The following PTPRD variants were observed in gnomAD, a reference collection of about 807,000 sequenced individuals.
PTPRD encodes the protein protein tyrosine phosphatase receptor type D, also known as receptor-type tyrosine-protein phosphatase delta.
In PTPRD, 34 loss-of-function variants were observed where a neutral mutation model predicts 214.5. The ratio of observed to expected loss-of-function variants is 0.16; its 90% confidence interval spans 0.12 to 0.21. The LOEUF (loss-of-function observed/expected upper bound fraction) is 0.21. Ranked by LOEUF, PTPRD falls within the 10% of genes least tolerant of loss-of-function variation. PTPRD has a pLI of 1.00. For missense variants in PTPRD, 2,545 were observed against 2,398.7 expected (o/e 1.06, Z -1.27); for synonymous variants, 1,128 against 845.7 (o/e 1.33, Z -5.79).
intron 4 of PTPRD, among the ~76,000 whole-genome samples, chr9:9,994,072 C>G (rs896249220): frequency 6.6e-6 from 1 of 152,074 alleles, no homozygotes; most frequent in Non-Finnish European, 1.5e-5. Flanking sequence ...AACTGAGATA[C>G]AGAAAGATTA....
chr9:9,171,785 G>A (rs948454498), intron 10 of PTPRD, among the ~76,000 whole-genome samples: 1 of 151,796 alleles, frequency 6.6e-6, no homozygotes, highest in Non-Finnish European at 1.5e-5. Context: ...ACAGCCTCTT[G>A]GCATGGATTC....
At chr9:8,349,440 T>C (rs936978885) in intron 39 of PTPRD, among the ~76,000 whole-genome samples, 2 of 152,178 alleles carry the variant, frequency 1.3e-5, no homozygotes, top group Non-Finnish European at 2.9e-5. Context: ...AAATGAAGGA[T>C]TGTACTTCTA....
At chr9:9,159,926 C>T (rs944681363) in intron 10 of PTPRD, among the ~76,000 whole-genome samples, 1 of 152,092 alleles carries the variant, frequency 6.6e-6, no homozygotes, top group Non-Finnish European at 1.5e-5. Flanking sequence ...TGATTTTTGA[C>T]AAAGGTGCCA....
At chr9:9,242,265 G>T (rs1232803509) in intron 9 of PTPRD, among the ~76,000 whole-genome samples, 2 of 152,038 alleles carry the variant, frequency 1.3e-5, no homozygotes, top group South Asian at 4.2e-4. Flanking sequence ...TTTCTCTCTG[G>T]CTGCCCTTAA....
chr9:8,475,294 A>C (rs1348950507), intron 30 of PTPRD, among the ~76,000 whole-genome samples: 1 of 151,714 alleles, frequency 6.6e-6, no homozygotes, highest in Non-Finnish European at 1.5e-5. Context: ...AGATGTTAAC[A>C]CTCTCCATGA....
intron 7 of PTPRD, among the ~76,000 whole-genome samples, chr9:9,729,775 G>T (rs1002368886): frequency 5.9e-5 from 9 of 151,768 alleles, no homozygotes; most frequent in Non-Finnish European, 1.3e-4. Flanking sequence ...GTGAGAGAAC[G>T]AACATATTAG....
chr9:10,559,858 G>C (rs1280719450), intron 2 of PTPRD, among the ~76,000 whole-genome samples: 1 of 152,064 alleles, frequency 6.6e-6, no homozygotes, highest in East Asian at 1.9e-4. Context: ...ACCACAATGA[G>C]ATATCATCTC....
At chr9:9,339,451 A>C (rs936837326) in intron 9 of PTPRD, among the ~76,000 whole-genome samples, 4 of 152,110 alleles carry the variant, frequency 2.6e-5, no homozygotes, top group African/African-American at 9.7e-5. Flanking sequence ...TCGCCACTGC[A>C]CTCCAGACTT....
chr9:9,820,401 T>C (rs2761758), intron 5 of PTPRD, among the ~76,000 whole-genome samples: 71,562 of 151,952 alleles, frequency 0.47, 17,772 homozygotes, highest in East Asian at 0.89. Flanking sequence ...GTTGGATGCA[T>C]GGGTTGTAAA....
chr9:9,558,649 A>T (rs1423099569), intron 8 of PTPRD, among the ~76,000 whole-genome samples: 3 of 152,186 alleles, frequency 2.0e-5, no homozygotes, highest in African/African-American at 4.8e-5. Context: ...AGATTACCAC[A>T]GATGTCACCT....
At chr9:9,845,519 T>C (rs533665067) in intron 5 of PTPRD, among the ~76,000 whole-genome samples, 1 of 151,856 alleles carries the variant, frequency 6.6e-6, no homozygotes, top group African/African-American at 2.4e-5. Context: ...CATCAATTCA[T>C]GTTAAATTTG....
chr9:9,593,295 T>G (rs2092948366), intron 7 of PTPRD, among the ~76,000 whole-genome samples: 1 of 150,520 alleles, frequency 6.6e-6, no homozygotes, highest in African/African-American at 2.5e-5. Flanking sequence ...TATGGAAACT[T>G]AACTTTTTTT....
At chr9:10,144,605 T>C (rs952876352) in intron 3 of PTPRD, among the ~76,000 whole-genome samples, 8 of 152,126 alleles carry the variant, frequency 5.3e-5, no homozygotes, top group African/African-American at 1.9e-4. Context: ...GCATCATCTA[T>C]TTCATTTCTA....
chr9:10,129,830 A>C (rs1468418812), intron 3 of PTPRD, among the ~76,000 whole-genome samples: 1 of 152,064 alleles, frequency 6.6e-6, no homozygotes, highest in Non-Finnish European at 1.5e-5. Context: ...AATAATCAAT[A>C]ATTATTATCT....
chr9:10,118,277 A>T (rs1261135774), intron 3 of PTPRD, among the ~76,000 whole-genome samples: 2 of 151,626 alleles, frequency 1.3e-5, no homozygotes, highest in Non-Finnish European at 2.9e-5. Flanking sequence ...AACATTTATT[A>T]TCTATATATC....
Position 9,906,919 on chromosome 9 carries a change from G to C in PTPRD, c.-368+31588C>G, listed in dbSNP as rs184692471. Among the ~76,000 whole-genome samples the C allele has an allele frequency of 3.7e-3, 565 of 151,962 alleles. 6 individuals are homozygous for C. The highest frequency in any genetic ancestry group is 2.9e-3 in the Non-Finnish European group (199 of 67,886). On this transcript the variant is annotated intron_variant, in intron 5 of 45. Coordinates refer to ENST00000381196, the MANE Select transcript of PTPRD (RefSeq NM_002839.4). ...ATAGAACTTATTCTTAATTCACTGC[G>C]TTTGTGGCCTCCAAGATTTCAGCCA...
intron 11 of PTPRD, among the ~76,000 whole-genome samples, chr9:8,898,418 T>A (rs1417297303): frequency 6.6e-6 from 1 of 152,200 alleles, no homozygotes; most frequent in African/African-American, 2.4e-5. Flanking sequence ...CCAGGTAGCC[T>A]GACTGTTCTC....
Position 9,157,762 on chromosome 9 carries a change from G to C in PTPRD, c.-143+25542C>G, listed in dbSNP as rs187290227. 7.9e-5 allele frequency among the ~76,000 whole-genome samples: 12 copies of C among 152,126 alleles called. No homozygotes were observed. The East Asian group carries it at 2.3e-3, about 29-fold the overall frequency. ...CTGGTGTACACGTCCAGGATGTGCA[G>C]GTTTGTTACGTAGGTAAACGTGTGC... On this transcript the variant is annotated intron_variant, in intron 10 of 45. Coordinates refer to ENST00000381196, the MANE Select transcript of PTPRD (RefSeq NM_002839.4).
intron 11 of PTPRD, among the ~76,000 whole-genome samples, chr9:8,776,835 A>T (rs1255520860): frequency 6.8e-6 from 1 of 147,754 alleles, no homozygotes; most frequent in African/African-American, 2.5e-5. Context: ...ATATAACATA[A>T]TACATAGGTA....
Sources: gnomAD v4.1 joint callset for allele counts (sites outside exome capture counted in the v4.1 genomes callset) on GRCh38, gnomAD v4.1.1 for gene constraint, MANE v1.5 for transcripts, NCBI Gene and HGNC (gene_info 2026-07-23, HGNC 2026-07-21) for gene names.